Variants in KMT2C observed in about 807,000 individuals in gnomAD.
KMT2C encodes histone-lysine N-methyltransferase 2C.
In KMT2C, 88 loss-of-function variants were observed where a neutral mutation model predicts 507.9. The observed-to-expected ratio is 0.17, with a 90% CI of 0.15 to 0.21. The LOEUF (loss-of-function observed/expected upper bound fraction) is 0.21. Ranked by LOEUF, KMT2C falls within the 10% of genes least tolerant of loss-of-function variation. The pLI is 1.00. For synonymous variants in KMT2C, 2,049 were observed against 2,080.8 expected (o/e 0.98, Z 0.42); for missense variants, 4,954 against 5,957.8 (o/e 0.83, Z 5.55).
chr7:152,401,729 C>A (rs986665800), intron 1 of KMT2C, among the ~76,000 whole-genome samples: 2 of 152,212 alleles, frequency 1.3e-5, no homozygotes, highest in Non-Finnish European at 2.9e-5. Context: ...GTAAGGAGTA[C>A]AATACAGCGC....
At chr7:152,324,217 G>C (rs1275242484) in intron 3 of KMT2C, among the ~76,000 whole-genome samples, 1 of 151,290 alleles carries the variant, frequency 6.6e-6, no homozygotes, top group Non-Finnish European at 1.5e-5. Context: ...ATAGCAGGGT[G>C]ACCTATATTT....
At chr7:152,378,746 T>C (rs2097348098) in intron 1 of KMT2C, among the ~76,000 whole-genome samples, 1 of 152,184 alleles carries the variant, frequency 6.6e-6, no homozygotes, top group Admixed American at 6.6e-5. Context: ...GAAAGAGTAA[T>C]TATGAACCAT....
intron 1 of KMT2C, among the ~76,000 whole-genome samples, chr7:152,425,724 G>A (rs1203846654): frequency 6.6e-6 from 1 of 151,924 alleles, no homozygotes; most frequent in Non-Finnish European, 1.5e-5. Context: ...CATATGACTA[G>A]AATCCCAAAG....
rs145370442 is a variant in KMT2C, at chr7:152,177,752, G to A, written c.7701C>T (p.Asp2567=). ...AYIELRHRAP[D]GRQRLPFSAP... is the part of the protein sequence containing the mutation. ...CACTGAAAGGCAGCCGTTGCCTTCC[G>A]TCAGGAGCCCTATGTCTCAGTTCAA... The change falls in exon 38 of 59, where the codon GAC becomes GAT. Residue 2567 remains aspartate (D), a synonymous_variant. Transcript: ENST00000262189. The A allele has an allele frequency of 5.2e-5, 84 of 1,614,068 alleles. No individual in the cohort carries two copies. Among genetic ancestry groups the A allele is most frequent in the Middle Eastern group, 4.9e-4 (3 of 6,062 alleles).
intron 31 of KMT2C, among the ~76,000 whole-genome samples, chr7:152,192,127 T>C (rs575991619): frequency 6.6e-6 from 1 of 152,290 alleles, no homozygotes; most frequent in South Asian, 2.1e-4. Flanking sequence ...GATTGTAAGA[T>C]GTTTTTTATA....
chr7:152,255,134 TATATATATATAC>T (rs1222246227), intron 9 of KMT2C, among the ~76,000 whole-genome samples: 6 of 124,488 alleles, frequency 4.8e-5, no homozygotes, highest in African/African-American at 1.4e-4. Context: ...TATATATATA[TATATATATATAC>T]ATATATATAT....
At chr7:152,212,096 A>C (rs13238463) in intron 23 of KMT2C, among the ~76,000 whole-genome samples, 6,162 of 152,252 alleles carry the variant, frequency 0.04, 203 homozygotes, top group East Asian at 0.17. Context: ...GACAGAAAGA[A>C]AGACAGACAG....
chr7:152,395,360 C>A (rs557103001), intron 1 of KMT2C, among the ~76,000 whole-genome samples: 2 of 151,718 alleles, frequency 1.3e-5, no homozygotes, highest in Non-Finnish European at 2.9e-5. Context: ...TTCTTTCCCC[C>A]CCCCAGTTAG....
At position 152,350,639 on chromosome 7, in the gene KMT2C, G is replaced by C. The variant is rs115808286; in HGVS notation, c.250+7948C>G. Among the ~76,000 whole-genome samples the C allele has an allele frequency of 8.8e-3, 1,345 of 152,316 alleles. 20 individuals are homozygous for C. The highest frequency in any genetic ancestry group is 0.03 in the African/African-American group (1,234 of 41,590). The stretch of plus-strand genomic sequence containing the variant: ...TACACCTACATAGAGCACTTACCAT[G>C]AATGGTGCTTGTGGGACTAGAAGTT... On this transcript the variant is annotated intron_variant, in intron 2 of 58. Coordinates refer to ENST00000262189, the MANE Select transcript of KMT2C (RefSeq NM_170606.3).
chr7:152,153,060 C>T, intron 48 of KMT2C, 106 bp from the exon 49 acceptor site: 1 of 1,357,438 alleles, frequency 7.4e-7, no homozygotes, highest in Non-Finnish European at 1.0e-6. Flanking sequence ...TACATAGATT[C>T]TAAGAAAATC....
intron 21 of KMT2C, 127 bp downstream of exon 21, chr7:152,222,446 A>T: frequency 1.8e-6 from 1 of 555,788 alleles, no homozygotes; most frequent in Non-Finnish European, 3.2e-6. Context: ...TTTTCATAAA[A>T]TACTTGTCAA....
At chr7:152,187,570 G>A in intron 32 of KMT2C, 94 bp from the exon 33 acceptor site, 3 of 1,419,526 alleles carry the variant, frequency 2.1e-6, no homozygotes, top group Non-Finnish European at 2.9e-6. Context: ...TTACAAAACA[G>A]TTAAAAGTAA....
chr7:152,160,007 G>A (rs371824760), intron 43 of KMT2C, among the ~76,000 whole-genome samples: 1 of 152,140 alleles, frequency 6.6e-6, no homozygotes, highest in Non-Finnish European at 1.5e-5. Context: ...TACAGCCCCT[G>A]GCATAATTAC....
intron 1 of KMT2C, among the ~76,000 whole-genome samples, chr7:152,398,246 C>G (rs1188354917): frequency 1.3e-5 from 2 of 152,176 alleles, no homozygotes; most frequent in Admixed American, 1.3e-4. Context: ...CTCTGGTTCA[C>G]CACTGAATCC....
chr7:152,185,305 A>G (rs1163999745), intron 34 of KMT2C, among the ~76,000 whole-genome samples: 1 of 152,204 alleles, frequency 6.6e-6, no homozygotes, highest in East Asian at 1.9e-4. Flanking sequence ...AGTGAAATGA[A>G]TTACTCCTTC....
At chr7:152,279,061 A>C (rs1437714875) in intron 6 of KMT2C, among the ~76,000 whole-genome samples, 3 of 152,182 alleles carry the variant, frequency 2.0e-5, no homozygotes, top group Non-Finnish European at 4.4e-5. Context: ...TATGGTCGTA[A>C]AGAAATGTCC....
At chr7:152,313,083 T>C (rs1001381631) in intron 4 of KMT2C, among the ~76,000 whole-genome samples, 7 of 152,164 alleles carry the variant, frequency 4.6e-5, no homozygotes, top group African/African-American at 1.4e-4. Flanking sequence ...TAGAAATGCA[T>C]AGACTTTTTT....
At position 152,163,654 on chromosome 7, in the gene KMT2C, G is replaced by A. The variant is rs2129104628; in HGVS notation, c.9923C>T (p.Pro3308Leu). 1 of 1,613,424 alleles carries A rather than the reference G, an allele frequency of 6.2e-7. No homozygotes were observed. Among genetic ancestry groups the A allele is most frequent in the Non-Finnish European group, 8.5e-7 (1 of 1,179,604 alleles). ...TMSQPTFPMV[P>L]QQLQHQQHTT... ...GTGCTGCTGGTGCTGAAGCTGCTGT[G>A]GCACCATGGGAAAGGTGGGTTGGCT... Residue 3308 changes from proline to leucine, a missense_variant, in exon 43 of 59, where the codon CCA becomes CTA. Pro to Leu is a moderately conservative substitution (Grantham distance 98, BLOSUM62 -3). This residue lies in a region of KMT2C where 801 missense variants were observed against 751.2 expected (regional missense o/e 1.07). Coordinates refer to ENST00000262189, the MANE Select transcript of KMT2C (RefSeq NM_170606.3).
chr7:152,204,865 A>G (rs1406289153), intron 25 of KMT2C, among the ~76,000 whole-genome samples: 1 of 152,070 alleles, frequency 6.6e-6, no homozygotes, highest in African/African-American at 2.4e-5. Flanking sequence ...TCAAAAGAAT[A>G]AAGTCTATTG....
Sources: gnomAD v4.1 joint callset for allele counts (sites outside exome capture counted in the v4.1 genomes callset) on GRCh38, gnomAD v4.1.1 for gene constraint, gnomAD v4.1.1 regional missense constraint, MANE v1.5 for transcripts, NCBI Gene and HGNC (gene_info 2026-07-23, HGNC 2026-07-21) for gene names.